The following CACNA1E variants were observed in gnomAD, a reference collection of about 807,000 sequenced individuals.
CACNA1E encodes the protein voltage-dependent R-type calcium channel subunit alpha-1E.
CACNA1E carries 40 observed loss-of-function variants against 259.2 expected under a neutral mutation model. The ratio of observed to expected loss-of-function variants is 0.15; its 90% CI spans 0.12 to 0.20. The LOEUF is 0.20. Ranked by LOEUF, CACNA1E falls within the 10% of genes least tolerant of loss-of-function variation. The pLI is 1.00. For synonymous variants in CACNA1E, 1,104 were observed against 1,138.5 expected, an observed-to-expected ratio of 0.97 and a Z score of 0.61; for missense variants, 1,874 against 3,040.1, an observed-to-expected ratio of 0.62 and a Z score of 9.02.
At chr1:181,345,441 T>TG (rs1342595980) in intron 1 of CACNA1E, among the ~76,000 whole-genome samples, 28 of 152,206 alleles carry the variant, frequency 1.8e-4, no homozygotes, top group African/African-American at 4.8e-4. Flanking sequence ...GTTGCTGAGT[T>TG]GGGGGGCCAG....
intron 3 of CACNA1E, among the ~76,000 whole-genome samples, chr1:181,557,450 C>T (rs145085714): frequency 3.3e-5 from 5 of 152,340 alleles, no homozygotes; most frequent in African/African-American, 7.2e-5. Flanking sequence ...CATCTGACAG[C>T]TTTAGATATT....
chr1:181,778,562 G>C (rs563104100), intron 38 of CACNA1E, among the ~76,000 whole-genome samples: 47 of 152,304 alleles, frequency 3.1e-4, no homozygotes, highest in African/African-American at 9.1e-4. Flanking sequence ...GCAGATCCCT[G>C]GGTGTTGCTT....
At chr1:181,498,415 T>C (rs1324556096) in intron 1 of CACNA1E, among the ~76,000 whole-genome samples, 1 of 152,214 alleles carries the variant, frequency 6.6e-6, no homozygotes, top group Non-Finnish European at 1.5e-5. Context: ...GGAGCTCCTA[T>C]GCTTGACAAT....
At chr1:181,712,580 T>C (rs965555128) in intron 8 of CACNA1E, among the ~76,000 whole-genome samples, 1 of 152,188 alleles carries the variant, frequency 6.6e-6, no homozygotes, top group Non-Finnish European at 1.5e-5. Flanking sequence ...CTGCACTCCC[T>C]TGTAGCCTCT....
At chr1:181,479,020 GGCT>G (rs1284892156), upstream of CACNA1E, among the ~76,000 whole-genome samples, 2 of 152,204 alleles carry the variant, frequency 1.3e-5, no homozygotes, top group Non-Finnish European at 2.9e-5. Context: ...AGTCTTCATG[GGCT>G]TTATAAAGTA....
At chr1:181,498,255 T>C (rs1022947280) in intron 1 of CACNA1E, among the ~76,000 whole-genome samples, 4 of 152,192 alleles carry the variant, frequency 2.6e-5, no homozygotes, top group African/African-American at 7.2e-5. Context: ...AAGACTCTTA[T>C]ATCCTGATAA....
At position 181,449,342 on chromosome 1, in the gene CACNA1E, A is replaced by T. The variant is rs11487344; in HGVS notation, c.435-34402A>T. ...AGTTACTTCAGTCTCATATACACAT[A>T]TATGTGTGCTCACATACACACTTTT... On this transcript the variant is annotated intron_variant, in intron 2 of 11. Coordinates refer to the CACNA1E transcript ENST00000524607. 4.5e-3 allele frequency among the ~76,000 whole-genome samples: 685 copies of T among 152,296 alleles called. 25 individuals are homozygous for T. In the East Asian group the frequency reaches 0.096, roughly 21 times the overall value.
rs56301632 is a variant in CACNA1E at position 181,779,819 on chromosome 1, TACAC to T, written c.5268-1580_5268-1577del. ...TCATGTATGTGTGTATATGCACATG[TACAC>T]ACACACACACACACACACACACACA... On this transcript the variant is annotated intron_variant, in intron 38 of 47. Transcript: ENST00000367573. 9.1e-3 allele frequency among the ~76,000 whole-genome samples: 1,343 copies of T among 147,860 alleles called. 10 individuals are homozygous for T. Among genetic ancestry groups the T allele is most frequent in the South Asian group, 0.025 (114 of 4,480 alleles).
chr1:181,664,558 G>A (rs1648021403), intron 7 of CACNA1E, among the ~76,000 whole-genome samples: 1 of 152,202 alleles, frequency 6.6e-6, no homozygotes, highest in African/African-American at 2.4e-5. Context: ...ATGTGAATGT[G>A]AAATGTAATG....
chr1:181,584,822 A>G lies in CACNA1E; in HGVS notation c.951+4046A>G, dbSNP rs530439455. Among the ~76,000 whole-genome samples the G allele has an allele frequency of 2.6e-5, 4 of 152,322 alleles. No homozygotes were observed. The South Asian group carries it at 8.3e-4, about 32-fold the overall frequency. On this transcript the variant is annotated intron_variant, in intron 6 of 47. Coordinates refer to ENST00000367573, the MANE Select transcript of CACNA1E (RefSeq NM_001205293.3). ...TAGAACTACTCAAAACTAATTTGAC[A>G]AATAGGTGGCAGGAGTCTATGATTA...
intron 7 of CACNA1E, among the ~76,000 whole-genome samples, chr1:181,667,420 A>G (rs1415229439): frequency 6.6e-6 from 1 of 152,154 alleles, no homozygotes; most frequent in Non-Finnish European, 1.5e-5. Flanking sequence ...ATAGAAGAAG[A>G]AAAAAGCTCT....
chr1:181,783,631 CA>C, intron 39 of CACNA1E, 47 bp from the exon 40 acceptor site: 5 of 965,564 alleles, frequency 5.2e-6, no homozygotes, highest in South Asian at 1.4e-5. Context: ...AGATGTCTTT[CA>C]ATTTTTTTTT....
At position 181,755,940 on chromosome 1, in the gene CACNA1E, T is replaced by G; in HGVS notation, c.3990-16T>G. The stretch of plus-strand genomic sequence containing the variant: ...TATAGTGAGGAGGCTCTCTTTCATT[T>G]CTGCTCTGGTTTTAGAGGCAACTAT... On this transcript the variant is annotated splice_polypyrimidine_tract_variant and intron_variant, in intron 28 of 47. Transcript: ENST00000367573. The G allele has an allele frequency of 6.2e-7, 1 of 1,611,024 alleles. No individual in the cohort carries two copies. Among genetic ancestry groups the G allele is most frequent in the Non-Finnish European group, 8.5e-7 (1 of 1,178,214 alleles).
Position 181,805,515 on chromosome 1 carries a change from T to C in CACNA1E, c.*6681T>C, listed in dbSNP as rs960501976. ...ACAGTAGTTGTGGTCTTAGTTACAT[T>C]TGATATGGAGTTGTGTAATATTAAG... On this transcript the variant is annotated 3_prime_UTR_variant, in exon 48 of 48. Transcript: ENST00000367573. 3.9e-5 allele frequency: 6 copies of C among 152,228 alleles called. No homozygotes were observed. The highest frequency in any genetic ancestry group is 1.4e-4 in the African/African-American group (6 of 41,454). The allele number at this position is 152,228 out of a possible 1,614,324, so 9.4% of individuals were successfully genotyped here.
chr1:181,551,751 G>C (rs543837998), intron 3 of CACNA1E, among the ~76,000 whole-genome samples: 1 of 152,026 alleles, frequency 6.6e-6, no homozygotes, highest in African/African-American at 2.4e-5. Context: ...TGGTCACCAA[G>C]CTTCTGCTTG....
intron 3 of CACNA1E, among the ~76,000 whole-genome samples, chr1:181,545,110 A>T (rs1647306297): frequency 6.6e-6 from 1 of 152,078 alleles, no homozygotes; most frequent in African/African-American, 2.4e-5. Context: ...CAAAAAAAAA[A>T]GTCTTGCTAT....
At chr1:181,653,033 T>A (rs1228144946) in intron 7 of CACNA1E, among the ~76,000 whole-genome samples, 4 of 152,062 alleles carry the variant, frequency 2.6e-5, no homozygotes, top group African/African-American at 9.7e-5. Flanking sequence ...TATACTGATA[T>A]TTGGGAGAGA....
Position 181,756,055 on chromosome 1 carries a change from G to T in CACNA1E, c.4089G>T (p.Leu1363=), listed in dbSNP as rs199667506. The change falls in exon 29 of 48, where the codon CTG becomes CTT. Residue 1363 remains leucine (L), a synonymous_variant. Transcript: ENST00000367573. ...FHYDNIIWAL[L]TLFTVSTGEG... ...ACGACAACATTATCTGGGCCCTGCT[G>T]ACCCTCTTCACCGTCTCCACAGGGG... is the stretch of plus-strand genomic sequence containing the variant. 5.4e-3 allele frequency: 8,740 copies of T among 1,613,862 alleles called. 40 individuals are homozygous for T. The highest frequency in any genetic ancestry group is 6.9e-3 in the Non-Finnish European group (8,090 of 1,179,806).
chr1:181,519,778 G>T (rs947194455), intron 3 of CACNA1E, among the ~76,000 whole-genome samples: 1 of 152,072 alleles, frequency 6.6e-6, no homozygotes, highest in Non-Finnish European at 1.5e-5. Context: ...TGAAGCTGGA[G>T]GTATTAAGAA....
Sources: allele counts gnomAD v4.1 joint callset (sites outside exome capture counted in the v4.1 genomes callset), GRCh38; gene constraint gnomAD v4.1.1; transcripts MANE v1.5; gene names NCBI Gene and HGNC (gene_info 2026-07-23, HGNC 2026-07-21).